The following LRP1B variants were observed in gnomAD, a reference collection of about 807,000 sequenced individuals.
The protein encoded by LRP1B is LDL receptor related protein 1B.
A neutral mutation model predicts 556.6 loss-of-function variants in LRP1B; 217 were observed. The observed-to-expected ratio is 0.39, with a 90% confidence interval of 0.35 to 0.44. The LOEUF is 0.44. Among genes scored for constraint, LRP1B ranks in the 20% least tolerant of loss-of-function variants. The probability of loss-of-function intolerance (pLI) is 1.00; values close to 1 mark genes in which losing one functional copy is unlikely to be tolerated. For synonymous variants in LRP1B, 2,047 were observed against 1,865.8 expected (o/e 1.10, Z -2.50); for missense variants, 5,053 against 5,620.8 (o/e 0.90, Z 3.23).
chr2:141,013,442 T>G, intron 14 of LRP1B, 114 bp downstream of exon 14: 1 of 826,114 alleles, frequency 1.2e-6, no homozygotes, highest in Non-Finnish European at 1.8e-6. Flanking sequence ...TGGAGGGAAT[T>G]TGACATCTTT....
chr2:141,937,703 C>T (rs192428729), intron 1 of LRP1B, among the ~76,000 whole-genome samples: 5 of 151,864 alleles, frequency 3.3e-5, no homozygotes, highest in East Asian at 1.9e-4. Context: ...GATGTAGCCC[C>T]GCTTGTTTAT....
chr2:140,760,963 G>C (rs1379421193), intron 35 of LRP1B, among the ~76,000 whole-genome samples: 1 of 152,106 alleles, frequency 6.6e-6, no homozygotes, highest in Non-Finnish European at 1.5e-5. Flanking sequence ...TTAGATATTT[G>C]TGGAATCTTT....
chr2:142,066,323 A>G (rs902702857), intron 1 of LRP1B, among the ~76,000 whole-genome samples: 2 of 151,356 alleles, frequency 1.3e-5, no homozygotes, highest in Non-Finnish European at 3.0e-5. Context: ...CTCCTCTCAC[A>G]TTTTGCTATA....
At chr2:140,448,771 A>C (rs1264076186) in intron 63 of LRP1B, among the ~76,000 whole-genome samples, 1 of 152,112 alleles carries the variant, frequency 6.6e-6, no homozygotes, top group Non-Finnish European at 1.5e-5. Flanking sequence ...CTCATCACAA[A>C]AAAGCTAAGT....
intron 2 of LRP1B, among the ~76,000 whole-genome samples, chr2:141,667,141 A>C (rs537976409): frequency 6.6e-6 from 1 of 152,124 alleles, no homozygotes; most frequent in Non-Finnish European, 1.5e-5. Context: ...CCCAATTTAC[A>C]TTTTAATGAG....
chr2:141,388,437 A>T (rs1689919722), intron 3 of LRP1B, among the ~76,000 whole-genome samples: 1 of 152,180 alleles, frequency 6.6e-6, no homozygotes, highest in African/African-American at 2.4e-5. Context: ...CTTCTGTCTC[A>T]AAAATAAATA....
At position 140,317,804 on chromosome 2, in the gene LRP1B, C is replaced by T. The variant is rs542307461; in HGVS notation, c.12641-2705G>A. ...ACCACAAGGATTTTCAAAATCCTTA[C>T]ATGTTAGGGCATGCGCGTTACTATA... On this transcript the variant is annotated intron_variant, in intron 82 of 90. Coordinates refer to ENST00000389484, the MANE Select transcript of LRP1B (RefSeq NM_018557.3). 2.0e-5 allele frequency among the ~76,000 whole-genome samples: 3 copies of T among 152,152 alleles called. 1 individual carries two copies. In the South Asian group the frequency reaches 6.2e-4, roughly 32 times the overall value.
chr2:141,120,517 G>A (rs908576757), intron 7 of LRP1B, among the ~76,000 whole-genome samples: 1 of 151,800 alleles, frequency 6.6e-6, no homozygotes, highest in Non-Finnish European at 1.5e-5. Context: ...GATATATTAT[G>A]ATTATATCAA....
chr2:140,784,110 G>C (rs1007906842), intron 32 of LRP1B, among the ~76,000 whole-genome samples: 1 of 152,072 alleles, frequency 6.6e-6, no homozygotes, highest in African/African-American at 2.4e-5. Context: ...AAAAATGTCT[G>C]GGTGCCACCC....
At chr2:140,321,427 GATA>G (rs1424174362) in intron 82 of LRP1B, among the ~76,000 whole-genome samples, 1 of 113,030 alleles carries the variant, frequency 8.8e-6, no homozygotes, top group African/African-American at 2.6e-5. Context: ...TAATTATTAT[GATA>G]ATTATCATAA....
At chr2:141,484,328 A>G (rs11889364) in intron 2 of LRP1B, among the ~76,000 whole-genome samples, 132,423 of 147,556 alleles carry the variant, frequency 0.9, 60,207 homozygotes, top group East Asian at 1. Context: ...CTATATCTCC[A>G]TTTTGGTACC....
At chr2:141,372,192 T>C (rs1040234677) in intron 3 of LRP1B, among the ~76,000 whole-genome samples, 19 of 152,152 alleles carry the variant, frequency 1.2e-4, no homozygotes, top group African/African-American at 4.3e-4. Context: ...AATTTATTAA[T>C]TTATATATAT....
chr2:140,278,195 G>A lies in LRP1B; in HGVS notation c.12968-3597C>T, dbSNP rs570982529. Among the ~76,000 whole-genome samples the A allele has an allele frequency of 3.9e-5, 6 of 151,978 alleles. No individual in the cohort carries two copies. The South Asian group carries it at 8.3e-4, about 21-fold the overall frequency. ...ATCTATGGTTTTAGAAGTCAAGAAG[G>A]ATTTATCTTACAGGAGAGGAGAAAG... On this transcript the variant is annotated intron_variant, in intron 84 of 90. Coordinates refer to ENST00000389484, the MANE Select transcript of LRP1B (RefSeq NM_018557.3).
chr2:140,283,137 CAT>C (rs1262898462), intron 84 of LRP1B, among the ~76,000 whole-genome samples: 1 of 151,522 alleles, frequency 6.6e-6, no homozygotes, highest in Admixed American at 6.6e-5. Context: ...AGTCAAAACA[CAT>C]AGAGTAACTT....
At chr2:140,713,596 A>G (rs1165389027) in intron 37 of LRP1B, among the ~76,000 whole-genome samples, 3 of 151,998 alleles carry the variant, frequency 2.0e-5, no homozygotes, top group Admixed American at 2.0e-4. Context: ...ACTGGTTTGG[A>G]GTTCACTTGG....
At chr2:141,285,375 C>A (rs1245753126) in intron 3 of LRP1B, among the ~76,000 whole-genome samples, 1 of 151,550 alleles carries the variant, frequency 6.6e-6, no homozygotes, top group East Asian at 2.0e-4. Context: ...GCGTGAGCTA[C>A]CACGCCTGGC....
At chr2:141,574,235 A>G (rs1368929210) in intron 2 of LRP1B, among the ~76,000 whole-genome samples, 2 of 152,100 alleles carry the variant, frequency 1.3e-5, no homozygotes, top group African/African-American at 2.4e-5. Context: ...ACATCAAAAA[A>G]CTTATCCACC....
chr2:141,185,469 C>T (rs1249430), intron 7 of LRP1B, among the ~76,000 whole-genome samples: 151,848 of 152,124 alleles, frequency 1, 75,786 homozygotes, highest in Non-Finnish European at 1. Context: ...TTGCTAAAAA[C>T]TTTTGAAAGG....
At chr2:141,834,035 A>G (rs1421559098) in intron 1 of LRP1B, among the ~76,000 whole-genome samples, 1 of 151,794 alleles carries the variant, frequency 6.6e-6, no homozygotes, top group Non-Finnish European at 1.5e-5. Flanking sequence ...AGAAAAACTG[A>G]GCAATCTCTC....
Sources: gnomAD v4.1 joint callset for allele counts (sites outside exome capture counted in the v4.1 genomes callset) on GRCh38, gnomAD v4.1.1 for gene constraint, MANE v1.5 for transcripts, NCBI Gene and HGNC (gene_info 2026-07-23, HGNC 2026-07-21) for gene names.